The following ENPP6 variants were observed in gnomAD, a reference collection of about 807,000 sequenced individuals.
The protein encoded by ENPP6 is ectonucleotide pyrophosphatase/phosphodiesterase 6, also known as glycerophosphocholine cholinephosphodiesterase ENPP6.
Under a neutral mutation model 42.0 loss-of-function variants are expected in ENPP6, and 32 were observed. The observed-to-expected ratio is 0.76, with a 90% confidence interval of 0.58 to 1.02. The LOEUF (loss-of-function observed/expected upper bound fraction) is 1.02, where lower values mean the gene tolerates loss of function less well. ENPP6 is among the 50% of genes least tolerant of loss of function. The pLI is 0.00. For synonymous variants in ENPP6, 213 were observed against 216.0 expected (o/e 0.99, Z 0.12); for missense variants, 552 against 566.8 (o/e 0.97, Z 0.27).
At chr4:184,192,847 A>T (rs1433776305) in intron 1 of ENPP6, among the ~76,000 whole-genome samples, 1 of 152,212 alleles carries the variant, frequency 6.6e-6, no homozygotes, top group Non-Finnish European at 1.5e-5. Flanking sequence ...TGAAAAGAAA[A>T]TGCTCAACAT....
intron 1 of ENPP6, among the ~76,000 whole-genome samples, chr4:184,190,614 A>G (rs1732700725): frequency 6.6e-6 from 1 of 152,230 alleles, no homozygotes; most frequent in Non-Finnish European, 1.5e-5. Flanking sequence ...ACTTTAAAAC[A>G]TATACAAGGA....
rs144012788 is a variant in ENPP6 at position 184,127,879 on chromosome 4, G to C, written c.422-3607C>G. On this transcript the variant is annotated intron_variant, in intron 2 of 7. Transcript: ENST00000296741. The stretch of plus-strand genomic sequence containing the variant: ...TTTAAAGTAATAATCTGGGTCTAAA[G>C]TTCCAAATTATGTCAACAGAAATTG... Among the ~76,000 whole-genome samples, 613 of 152,288 alleles carry C rather than the reference G, an allele frequency of 4.0e-3. 8 individuals are homozygous for C. The highest frequency in any genetic ancestry group is 0.013 in the African/African-American group (553 of 41,562).
In ENPP6 at chr4:184,131,136, ACTTACTTT is replaced by A. The variant is rs1245468274; in HGVS notation, c.422-6872_422-6865del. On this transcript the variant is annotated intron_variant, in intron 2 of 7. Transcript: ENST00000296741. ...ATTGTTTCAACTTGCTTCCACCAGC[ACTTACTTT>A]CTTTCTTTCTTTCTTTCTTTCTTTC... is the stretch of plus-strand genomic sequence containing the variant. 3.2e-4 allele frequency among the ~76,000 whole-genome samples: 40 copies of A among 125,372 alleles called. 1 individual carries two copies. Among genetic ancestry groups the A allele is most frequent in the African/African-American group, 1.2e-3 (34 of 27,338 alleles). The allele number at this position is 125,372 out of a possible 152,430, so 82.2% of individuals were successfully genotyped here.
At chr4:184,131,617 G>A (rs1736636803) in intron 2 of ENPP6, among the ~76,000 whole-genome samples, 1 of 151,314 alleles carries the variant, frequency 6.6e-6, no homozygotes, top group African/African-American at 2.4e-5. Flanking sequence ...ACCTGCCTTG[G>A]CCTCCCAAAG....
chr4:184,167,823 G>C (rs1399296655), intron 1 of ENPP6, among the ~76,000 whole-genome samples: 1 of 152,128 alleles, frequency 6.6e-6, no homozygotes, highest in Non-Finnish European at 1.5e-5. Flanking sequence ...CCGGTGATCT[G>C]CATATCAACA....
At chr4:184,115,005 C>T (rs1172450489) in intron 5 of ENPP6, among the ~76,000 whole-genome samples, 3 of 151,996 alleles carry the variant, frequency 2.0e-5, no homozygotes, top group Admixed American at 2.0e-4. Flanking sequence ...CCCAAACAGA[C>T]AGATCTTATA....
intron 2 of ENPP6, among the ~76,000 whole-genome samples, chr4:184,147,673 C>A (rs900958676): frequency 6.6e-6 from 1 of 151,894 alleles, no homozygotes; most frequent in African/African-American, 2.4e-5. Context: ...GGGAGGTGTG[C>A]CCCTATCATC....
chr4:184,182,564 T>A (rs1378032837), intron 1 of ENPP6, among the ~76,000 whole-genome samples: 5 of 152,208 alleles, frequency 3.3e-5, no homozygotes, highest in Non-Finnish European at 4.4e-5. Flanking sequence ...TGCATACAGA[T>A]GTTCGTTGCA....
At chr4:184,123,316 G>C (rs542827435) in intron 3 of ENPP6, among the ~76,000 whole-genome samples, 106 of 152,224 alleles carry the variant, frequency 7.0e-4, no homozygotes, top group African/African-American at 2.4e-3. Context: ...TGGGTATGTT[G>C]GTTCTCGGAT....
intron 6 of ENPP6, among the ~76,000 whole-genome samples, chr4:184,098,366 TG>T (rs1735946387): frequency 6.6e-6 from 1 of 152,190 alleles, no homozygotes; most frequent in Non-Finnish European, 1.5e-5. Context: ...ATCCAGTTGA[TG>T]GAGAATCTTA....
At chr4:184,206,295 T>C (rs1237792721) in intron 1 of ENPP6, among the ~76,000 whole-genome samples, 5 of 124,672 alleles carry the variant, frequency 4.0e-5, no homozygotes, top group African/African-American at 1.6e-4. Flanking sequence ...TCTCGCTCTG[T>C]CGCCCAGGCT....
intron 3 of ENPP6, among the ~76,000 whole-genome samples, chr4:184,118,996 C>A (rs1198530361): frequency 7.9e-5 from 12 of 152,180 alleles, no homozygotes; most frequent in African/African-American, 2.9e-4. Context: ...TTCCATTTTT[C>A]TTACTAAAGT....
chr4:184,207,631 G>A (rs1733023145), intron 1 of ENPP6, among the ~76,000 whole-genome samples: 1 of 152,194 alleles, frequency 6.6e-6, no homozygotes, highest in South Asian at 2.1e-4. Context: ...CACACACCAC[G>A]CCGGTGGCTG....
intron 2 of ENPP6, among the ~76,000 whole-genome samples, chr4:184,137,705 G>A (rs971153003): frequency 1.3e-5 from 2 of 152,160 alleles, no homozygotes; most frequent in Non-Finnish European, 2.9e-5. Context: ...TACTGCTAGG[G>A]TGTTGCTTTT....
At chr4:184,119,399 C>T (rs538785044) in intron 3 of ENPP6, among the ~76,000 whole-genome samples, 1 of 151,758 alleles carries the variant, frequency 6.6e-6, no homozygotes, top group Non-Finnish European at 1.5e-5. Context: ...CTTTGTCATG[C>T]TCCTGGTTCC....
chr4:184,161,149 A>G (rs1485527591), intron 1 of ENPP6, among the ~76,000 whole-genome samples: 1 of 152,216 alleles, frequency 6.6e-6, no homozygotes, highest in African/African-American at 2.4e-5. Context: ...TATACATCCA[A>G]CAAAGGACTG....
At chr4:184,133,262 A>G (rs1736673717) in intron 2 of ENPP6, among the ~76,000 whole-genome samples, 1 of 152,230 alleles carries the variant, frequency 6.6e-6, no homozygotes, top group East Asian at 1.9e-4. Flanking sequence ...AAATACTAAG[A>G]CTACCAGTTT....
chr4:184,103,972 G>A (rs1411102356), intron 6 of ENPP6, among the ~76,000 whole-genome samples: 1 of 152,074 alleles, frequency 6.6e-6, no homozygotes, highest in East Asian at 1.9e-4. Context: ...GCAAAGCGCT[G>A]GAGAAAAGCA....
In ENPP6 at chr4:184,208,964, CA is replaced by C. The variant is rs1381811717; in HGVS notation, c.241+8614del. ...AGCAGCCTAACTGGGAGGCACCCCC[CA>C]GCAGGAGCACACTGACACCTCACAC... On this transcript the variant is annotated intron_variant, in intron 1 of 7. Coordinates refer to ENST00000296741, the MANE Select transcript of ENPP6 (RefSeq NM_153343.4). Among the ~76,000 whole-genome samples the C allele has an allele frequency of 9.4e-4, 132 of 140,956 alleles. 4 individuals are homozygous for C. Among genetic ancestry groups the C allele is most frequent in the African/African-American group, 3.5e-3 (128 of 36,266 alleles). 92.5% of individuals were successfully genotyped at this position (140,956 alleles called of 152,430 possible). A position where few individuals can be genotyped will look rare whatever the true frequency, so the allele number is the denominator to read the frequency against.
Sources: gnomAD v4.1 joint callset for allele counts (sites outside exome capture counted in the v4.1 genomes callset) on GRCh38, gnomAD v4.1.1 for gene constraint, MANE v1.5 for transcripts, NCBI Gene and HGNC (gene_info 2026-07-23, HGNC 2026-07-21) for gene names.